The following NEBL variants were observed in gnomAD, a reference collection of about 807,000 sequenced individuals.
NEBL encodes nebulette, also known as LIM and SH3 protein 2.
In NEBL, 122 loss-of-function variants were observed where a neutral mutation model predicts 140.2. That is an observed-to-expected ratio of 0.87 (90% CI 0.75 to 1.01). The LOEUF is 1.01. Ranked by LOEUF, NEBL falls within the 50% of genes least tolerant of loss-of-function variation. The probability of loss-of-function intolerance (pLI) is 0.00; values close to 1 mark genes in which losing one functional copy is unlikely to be tolerated. For synonymous variants in NEBL, 436 were observed against 398.9 expected (o/e 1.09, Z -1.11); for missense variants, 1,365 against 1,231.3 (o/e 1.11, Z -1.62).
intron 3 of NEBL, among the ~76,000 whole-genome samples, chr10:21,210,845 T>C (rs1841903630): frequency 6.6e-6 from 1 of 152,240 alleles, no homozygotes; most frequent in African/African-American, 2.4e-5. Flanking sequence ...TGCTTATAAA[T>C]GTACACGCTA....
At chr10:20,886,458 G>T (rs1316016807) in intron 4 of NEBL, among the ~76,000 whole-genome samples, 1 of 152,148 alleles carries the variant, frequency 6.6e-6, no homozygotes, top group Non-Finnish European at 1.5e-5. Flanking sequence ...GAACCCGGGA[G>T]GCAGAGGTTG....
upstream of NEBL, among the ~76,000 whole-genome samples, chr10:21,175,329 C>T (rs1424961840): frequency 2.6e-5 from 4 of 152,172 alleles, no homozygotes; most frequent in African/African-American, 4.8e-5. Context: ...TCAGCAGTTC[C>T]GAACTGCTTC....
chr10:21,029,455 G>T, intron 2 of NEBL: 1 of 1,611,584 alleles, frequency 6.2e-7, no homozygotes. Flanking sequence ...CCTGCTCAGT[G>T]CCCTGAGTCT....
At chr10:21,027,066 T>C (rs1237011269) in intron 2 of NEBL, among the ~76,000 whole-genome samples, 1 of 152,176 alleles carries the variant, frequency 6.6e-6, no homozygotes, top group East Asian at 1.9e-4. Context: ...AGCGTCTTGC[T>C]TCCTCCTGAC....
chr10:20,817,068 G>A (rs1268086631), intron 21 of NEBL, among the ~76,000 whole-genome samples: 1 of 152,050 alleles, frequency 6.6e-6, no homozygotes, highest in East Asian at 1.9e-4. Flanking sequence ...CAAGATAGAA[G>A]GGATACACAA....
intron 19 of NEBL, among the ~76,000 whole-genome samples, chr10:20,821,169 T>C (rs1839276256): frequency 6.6e-6 from 1 of 152,228 alleles, no homozygotes; most frequent in Non-Finnish European, 1.5e-5. Context: ...GAGAAACTCT[T>C]ACTGCCAATT....
chr10:21,279,987 T>G (rs949615018), intron 1 of NEBL, among the ~76,000 whole-genome samples: 10 of 152,050 alleles, frequency 6.6e-5, no homozygotes, highest in East Asian at 3.9e-4. Flanking sequence ...AATTTTATAC[T>G]TTATTGCCCA....
chr10:20,981,582 G>A (rs1174777499), intron 3 of NEBL, among the ~76,000 whole-genome samples: 2 of 149,376 alleles, frequency 1.3e-5, no homozygotes. Flanking sequence ...TCTCTCCCAA[G>A]GCTGGATAAC....
chr10:21,146,517 T>C (rs1324540246), intron 2 of NEBL: 1 of 1,602,962 alleles, frequency 6.2e-7, no homozygotes, highest in African/African-American at 1.3e-5. Flanking sequence ...ATCCTACTCC[T>C]GCATTATCAG....
intron 4 of NEBL, among the ~76,000 whole-genome samples, chr10:20,927,732 C>T (rs532653706): frequency 2.6e-5 from 4 of 152,264 alleles, no homozygotes; most frequent in Admixed American, 6.5e-5. Flanking sequence ...CCTGTGGCAG[C>T]CAGACAGCCA....
intron 1 of NEBL, among the ~76,000 whole-genome samples, chr10:21,280,590 A>G (rs78997301): frequency 0.016 from 2,202 of 140,672 alleles, 21 homozygotes; most frequent in South Asian, 0.038. Flanking sequence ...TGTAAGGGGC[A>G]TTGTAGGTAT....
intron 2 of NEBL, among the ~76,000 whole-genome samples, chr10:21,157,895 A>T (rs998017149): frequency 1.3e-5 from 2 of 152,200 alleles, no homozygotes; most frequent in African/African-American, 4.8e-5. Flanking sequence ...ACACAGACAC[A>T]CATGAAGGGA....
At chr10:20,850,278 C>A in intron 11 of NEBL, 117 bp downstream of exon 11, 1 of 845,584 alleles carries the variant, frequency 1.2e-6, no homozygotes, top group Non-Finnish European at 2.0e-6. Flanking sequence ...AAAGCAGGTC[C>A]TTGAATCTGC....
At chr10:21,110,470 C>A (rs1480220371) in intron 2 of NEBL, among the ~76,000 whole-genome samples, 3 of 152,084 alleles carry the variant, frequency 2.0e-5, no homozygotes, top group Admixed American at 2.0e-4. Flanking sequence ...CTTTTAATAT[C>A]TATACAATCT....
intron 2 of NEBL, among the ~76,000 whole-genome samples, chr10:21,050,374 G>C (rs896979999): frequency 6.6e-6 from 1 of 152,164 alleles, no homozygotes; most frequent in African/African-American, 2.4e-5. Context: ...CACAGCCAAC[G>C]TGTAAAATCC....
intron 3 of NEBL, among the ~76,000 whole-genome samples, chr10:20,997,471 TAAAAAAAAAAAAAAAAAAAAAAAAA>T (rs55712388): frequency 0.019 from 489 of 25,184 alleles, 6 homozygotes; most frequent in Middle Eastern, 0.036. Flanking sequence ...ACAGTCTCAG[TAAAAAAAAAAAAAAAAAAAAAAAAA>T]AAAAAAAAAA....
chr10:20,919,611 T>C (rs528339058), intron 4 of NEBL, among the ~76,000 whole-genome samples: 3 of 152,222 alleles, frequency 2.0e-5, no homozygotes, highest in Non-Finnish European at 4.4e-5. Flanking sequence ...AACCCCTTAA[T>C]AAATAATGTT....
intron 1 of NEBL, among the ~76,000 whole-genome samples, chr10:21,265,421 C>A (rs1270906003): frequency 6.6e-6 from 1 of 152,176 alleles, no homozygotes; most frequent in Non-Finnish European, 1.5e-5. Flanking sequence ...GGTTTTATCA[C>A]TACTAATCTC....
intron 3 of NEBL, among the ~76,000 whole-genome samples, chr10:21,236,726 C>T (rs1183073407): frequency 4.6e-5 from 7 of 152,100 alleles, no homozygotes; most frequent in South Asian, 2.1e-4. Flanking sequence ...TTAAATCTGA[C>T]GTAATTTAGG....
Sources: gnomAD v4.1 joint callset for allele counts (sites outside exome capture counted in the v4.1 genomes callset) on GRCh38, gnomAD v4.1.1 for gene constraint, MANE v1.5 for transcripts, NCBI Gene and HGNC (gene_info 2026-07-23, HGNC 2026-07-21) for gene names.